ESR1: variants seen among roughly 807,000 people sequenced by gnomAD.
ESR1 encodes the protein estrogen receptor 1.
Under a neutral mutation model 52.7 loss-of-function variants are expected in ESR1, and 12 were observed. That is an observed-to-expected ratio of 0.23 (90% confidence interval 0.15 to 0.37). ESR1 has a LOEUF of 0.37. Among genes scored for constraint, ESR1 ranks in the 10% least tolerant of loss-of-function variants. The probability of loss-of-function intolerance (pLI) is 1.00; values close to 1 mark genes in which losing one functional copy is unlikely to be tolerated. For synonymous variants in ESR1, 305 were observed against 316.8 expected, an observed-to-expected ratio of 0.96 and a Z score of 0.39; for missense variants, 584 against 779.7, an observed-to-expected ratio of 0.75 and a Z score of 2.99.
chr6:152,070,787 G>A lies in ESR1; in HGVS notation c.1369+9663G>A, dbSNP rs141572843. ...TCCAGCACTTTCCGCCAGAGGGCCCGTGGCTGCTTTTGCAGACTGAAATTG... is the reference window on the plus strand; with the variant it reads ...TCCAGCACTTTCCGCCAGAGGGCCCATGGCTGCTTTTGCAGACTGAAATTG... On this transcript the variant is annotated intron_variant, in intron 6 of 7. Transcript: ENST00000206249. 2.5e-4 allele frequency among the ~76,000 whole-genome samples: 35 copies of A among 139,170 alleles called. 7 individuals are homozygous for A. Among genetic ancestry groups the A allele is most frequent in the African/African-American group, 9.4e-4 (30 of 31,918 alleles). The allele number at this position is 139,170 out of a possible 152,430, so 91.3% of individuals were successfully genotyped here.
chr6:151,840,285 G>T (rs570127466), intron 1 of ESR1, among the ~76,000 whole-genome samples: 10 of 152,248 alleles, frequency 6.6e-5, no homozygotes, highest in Non-Finnish European at 1.5e-4. Flanking sequence ...TAGTAAACAA[G>T]CAATAAAAAG....
chr6:151,717,259 C>T (rs900129372), intron 2 of ESR1, among the ~76,000 whole-genome samples: 2 of 152,192 alleles, frequency 1.3e-5, no homozygotes, highest in Non-Finnish European at 2.9e-5. Context: ...CTGTCTTCTG[C>T]GTTAATCTCA....
At chr6:152,119,253 C>T (rs748062198) in intron 6 of ESR1, among the ~76,000 whole-genome samples, 4 of 152,274 alleles carry the variant, frequency 2.6e-5, no homozygotes, top group South Asian at 2.1e-4. Flanking sequence ...TATAGTAAAT[C>T]TCAGGCCTCG....
intron 2 of ESR1, among the ~76,000 whole-genome samples, chr6:151,746,330 G>A (rs1469941609): frequency 6.6e-6 from 1 of 152,136 alleles, no homozygotes; most frequent in East Asian, 1.9e-4. Flanking sequence ...AATTTGTGGG[G>A]TTTGTGTCAT....
intron 6 of ESR1, among the ~76,000 whole-genome samples, chr6:152,067,940 TA>T (rs2048096912): frequency 6.6e-6 from 1 of 152,262 alleles, no homozygotes; most frequent in African/African-American, 2.4e-5. Flanking sequence ...AGCTTCTACT[TA>T]AATTGGCAAC....
chr6:151,881,759 A>T (rs1792952836), intron 3 of ESR1, among the ~76,000 whole-genome samples: 1 of 151,962 alleles, frequency 6.6e-6, no homozygotes, highest in African/African-American at 2.4e-5. Context: ...GGCGAGTGCC[A>T]GTAGGCCCAG....
At chr6:152,085,863 C>G (rs1585182001) in intron 6 of ESR1, among the ~76,000 whole-genome samples, 1 of 152,158 alleles carries the variant, frequency 6.6e-6, no homozygotes, top group African/African-American at 2.4e-5. Flanking sequence ...CCAAGAACAC[C>G]TTGTAGAAAA....
Position 151,980,413 on chromosome 6 carries a change from T to A in ESR1, c.1097-31243T>A, listed in dbSNP as rs148941170. 3.3e-3 allele frequency among the ~76,000 whole-genome samples: 508 copies of A among 152,310 alleles called. 10 individuals carry two copies. The highest frequency in any genetic ancestry group is 0.026 in the Admixed American group (403 of 15,298). The stretch of plus-strand genomic sequence containing the variant: ...GTGTCTGGCATCTGTTCAAGGACAA[T>A]TTCTGGATTTTAGGAGGGGGAGAAG... On this transcript the variant is annotated intron_variant, in intron 4 of 7. Coordinates refer to ENST00000206249, the MANE Select transcript of ESR1 (RefSeq NM_000125.4).
chr6:151,742,186 C>A (rs1783147040), intron 2 of ESR1, among the ~76,000 whole-genome samples: 1 of 152,138 alleles, frequency 6.6e-6, no homozygotes, highest in Admixed American at 6.5e-5. Context: ...GTTTCCATAT[C>A]TTGGCTGCTG....
intron 2 of ESR1, among the ~76,000 whole-genome samples, chr6:151,741,415 A>C (rs898024878): frequency 6.6e-6 from 1 of 152,166 alleles, no homozygotes; most frequent in African/African-American, 2.4e-5. Flanking sequence ...GCAGAGTATG[A>C]GTATTTTTTG....
At chr6:151,932,043 G>T (rs905899386) in intron 3 of ESR1, among the ~76,000 whole-genome samples, 14 of 148,980 alleles carry the variant, frequency 9.4e-5, no homozygotes, top group Non-Finnish European at 2.1e-4. Context: ...CTTCCACAAT[G>T]GTTGAACTAG....
chr6:151,887,036 A>G lies in ESR1; in HGVS notation c.760+6265A>G, dbSNP rs1583960684. On this transcript the variant is annotated intron_variant, in intron 3 of 7. Transcript: ENST00000206249. ...AGCCTGGGTGACGGAATGAGACTCC[A>G]TCTCAAAAAAAAAAAAAAAAGTATA... Among the ~76,000 whole-genome samples the G allele has an allele frequency of 1.4e-5, 2 of 140,602 alleles. 1 individual carries two copies. Among genetic ancestry groups the G allele is most frequent in the Admixed American group, 1.4e-4 (2 of 14,202 alleles). 92.2% of individuals were successfully genotyped at this position (140,602 alleles called of 152,430 possible). A position where few individuals can be genotyped will look rare whatever the true frequency, so the allele number is the denominator to read the frequency against.
chr6:151,710,939 C>A (rs1780555971), intron 2 of ESR1, among the ~76,000 whole-genome samples: 2 of 152,170 alleles, frequency 1.3e-5, no homozygotes, highest in African/African-American at 4.8e-5. Flanking sequence ...TTTTCTTAAT[C>A]CAGTCTATCA....
intron 2 of ESR1, among the ~76,000 whole-genome samples, chr6:151,707,857 G>C (rs1007934943): frequency 6.6e-6 from 1 of 151,928 alleles, no homozygotes; most frequent in Non-Finnish European, 1.5e-5. Flanking sequence ...CCTTGTCTAT[G>C]AACTTATTCT....
chr6:151,952,112 T>TA (rs9340914), intron 4 of ESR1, among the ~76,000 whole-genome samples: 3,066 of 152,312 alleles, frequency 0.02, 62 homozygotes, highest in East Asian at 0.099. Context: ...CGACCACAAG[T>TA]AAAGGTTCAG....
At chr6:151,919,872 A>C (rs1403443334) in intron 3 of ESR1, among the ~76,000 whole-genome samples, 1 of 152,210 alleles carries the variant, frequency 6.6e-6, no homozygotes, top group Non-Finnish European at 1.5e-5. Context: ...AGAATGTTCT[A>C]GAAACACACA....
intron 2 of ESR1, 38 bp downstream of exon 2, chr6:151,842,825 T>G: frequency 6.3e-7 from 1 of 1,585,326 alleles, no homozygotes; most frequent in Non-Finnish European, 8.7e-7. Context: ...TTTTTGATCC[T>G]ATGAGCAGAT....
intron 6 of ESR1, among the ~76,000 whole-genome samples, chr6:152,114,270 G>A (rs564357703): frequency 6.6e-6 from 1 of 152,292 alleles, no homozygotes; most frequent in East Asian, 1.9e-4. Context: ...ATCATTTCTG[G>A]GGACCAGTCT....
At chr6:151,838,033 T>C (rs1783661703) in intron 1 of ESR1, among the ~76,000 whole-genome samples, 1 of 152,216 alleles carries the variant, frequency 6.6e-6, no homozygotes, top group Non-Finnish European at 1.5e-5. Flanking sequence ...AGGCTCTCAC[T>C]CTGTCTCCCA....
Sources: allele counts gnomAD v4.1 joint callset (sites outside exome capture counted in the v4.1 genomes callset), GRCh38; gene constraint gnomAD v4.1.1; transcripts MANE v1.5; gene names NCBI Gene and HGNC (gene_info 2026-07-23, HGNC 2026-07-21).